RUNDC3B: variants seen among roughly 807,000 people sequenced by gnomAD.
RUNDC3B encodes the protein RUN domain-containing protein 3B.
Under a neutral mutation model 58.4 loss-of-function variants are expected in RUNDC3B, and 33 were observed. The ratio of observed to expected loss-of-function variants is 0.56; its 90% CI spans 0.43 to 0.75. RUNDC3B has a LOEUF of 0.75. RUNDC3B is among the 30% of genes least tolerant of loss of function. The pLI, the probability that RUNDC3B is intolerant of heterozygous loss-of-function variation, is 0.00. For missense variants in RUNDC3B, 501 were observed against 535.7 expected (o/e 0.94, Z 0.64); for synonymous variants, 193 against 195.2 (o/e 0.99, Z 0.10).
At chr7:87,676,152 A>G (rs1009718804) in intron 2 of RUNDC3B, among the ~76,000 whole-genome samples, 1 of 152,148 alleles carries the variant, frequency 6.6e-6, no homozygotes, top group African/African-American at 2.4e-5. Flanking sequence ...GGTTGAACCC[A>G]GGAGTTTGAG....
chr7:87,733,578 C>T (rs1225407198), intron 4 of RUNDC3B, among the ~76,000 whole-genome samples: 1 of 152,154 alleles, frequency 6.6e-6, no homozygotes, highest in African/African-American at 2.4e-5. Context: ...GGTCCCCAAC[C>T]TTTTTGGCAA....
chr7:87,822,781 C>T (rs528065008), intron 10 of RUNDC3B, among the ~76,000 whole-genome samples: 15 of 152,178 alleles, frequency 9.9e-5, no homozygotes, highest in Admixed American at 3.3e-4. Flanking sequence ...AGCAAACTAT[C>T]GCAAGGACAA....
intron 6 of RUNDC3B, among the ~76,000 whole-genome samples, chr7:87,745,183 G>T (rs974416316): frequency 1.4e-4 from 21 of 152,244 alleles, no homozygotes; most frequent in African/African-American, 5.1e-4. Flanking sequence ...GATCATGATA[G>T]ATTATCTTTT....
intron 2 of RUNDC3B, among the ~76,000 whole-genome samples, chr7:87,678,521 G>T (rs1826604640): frequency 6.6e-6 from 1 of 151,986 alleles, no homozygotes. Context: ...AAACATTAAA[G>T]TTATCCAAAA....
At position 87,793,429 on chromosome 7, in the gene RUNDC3B, G is replaced by A. The variant is rs138932230; in HGVS notation, c.957-13944G>A. On this transcript the variant is annotated intron_variant, in intron 8 of 10. Coordinates refer to ENST00000394654, the MANE Select transcript of RUNDC3B (RefSeq NM_001134405.2). ...AACATTGATGCAGAAATCCTCAAAAGTATACTAGCAAACCAAATTCAACAA... is the reference window on the plus strand; with the variant it reads ...AACATTGATGCAGAAATCCTCAAAAATATACTAGCAAACCAAATTCAACAA... Among the ~76,000 whole-genome samples the A allele has an allele frequency of 4.4e-3, 675 of 152,078 alleles. 5 individuals are homozygous for A. Among genetic ancestry groups the A allele is most frequent in the African/African-American group, 0.015 (643 of 41,520 alleles).
At chr7:87,643,228 A>G (rs531211459) in intron 1 of RUNDC3B, among the ~76,000 whole-genome samples, 24 of 151,876 alleles carry the variant, frequency 1.6e-4, no homozygotes, top group Admixed American at 4.6e-4. Context: ...CTTTATTTTT[A>G]AGTTGATTTT....
Position 87,832,051 on chromosome 7 carries a change from AAATTCATCTGCTGTTAT to A in RUNDC3B, c.*2024_*2040del, listed in dbSNP as rs1398386218. The A allele has an allele frequency of 1.3e-5, 2 of 151,886 alleles. No homozygotes were observed. Among genetic ancestry groups the A allele is most frequent in the Admixed American group, 1.3e-4 (2 of 15,202 alleles). The allele number at this position is 151,886 out of a possible 1,614,324, so 9.4% of individuals were successfully genotyped here. On this transcript the variant is annotated 3_prime_UTR_variant, in exon 11 of 11. Transcript: ENST00000394654. ...CTCCTTTCTTGGAGATCTTGGTATAAAATTCATCTGCTGTTATAAAATCAGGTTTCTACAGAGTTCGT... is the reference window on the plus strand; with the variant it reads ...CTCCTTTCTTGGAGATCTTGGTATAAAAAATCAGGTTTCTACAGAGTTCGT...
At chr7:87,760,271 A>G (rs1186079547) in intron 6 of RUNDC3B, among the ~76,000 whole-genome samples, 2 of 152,060 alleles carry the variant, frequency 1.3e-5, no homozygotes, top group African/African-American at 4.8e-5. Flanking sequence ...TTTCATTTAA[A>G]TTTAATTTTA....
chr7:87,768,436 T>A (rs1834091882), intron 6 of RUNDC3B, among the ~76,000 whole-genome samples: 1 of 152,190 alleles, frequency 6.6e-6, no homozygotes, highest in Admixed American at 6.5e-5. Context: ...GGTGATGCAG[T>A]GACACAAGGG....
At chr7:87,789,789 A>G (rs1835426973) in intron 8 of RUNDC3B, among the ~76,000 whole-genome samples, 1 of 152,200 alleles carries the variant, frequency 6.6e-6, no homozygotes, top group African/African-American at 2.4e-5. Context: ...TGATATTGAT[A>G]GTATTTCCTC....
chr7:87,817,966 G>A (rs960518224), intron 10 of RUNDC3B, among the ~76,000 whole-genome samples: 10 of 152,096 alleles, frequency 6.6e-5, no homozygotes, highest in East Asian at 1.9e-4. Flanking sequence ...ATATTGTGTC[G>A]AACTGAATTT....
At chr7:87,773,318 G>A (rs1227335562) in intron 7 of RUNDC3B, among the ~76,000 whole-genome samples, 5 of 117,950 alleles carry the variant, frequency 4.2e-5, no homozygotes, top group South Asian at 2.8e-4. Flanking sequence ...GCGAGACTCC[G>A]TCTCAAAAAA....
chr7:87,777,152 C>T (rs1243419653), intron 7 of RUNDC3B, among the ~76,000 whole-genome samples: 2 of 152,094 alleles, frequency 1.3e-5, no homozygotes, highest in Non-Finnish European at 2.9e-5. Flanking sequence ...ATATCTATTA[C>T]GTGTTTACTA....
At chr7:87,807,569 A>C in intron 9 of RUNDC3B, 50 bp downstream of exon 9, 2 of 1,303,260 alleles carry the variant, frequency 1.5e-6, no homozygotes, top group Non-Finnish European at 2.2e-6. Flanking sequence ...GTTGTACCAA[A>C]ACATATGGCT....
chr7:87,813,805 C>T (rs1836863209), intron 9 of RUNDC3B, among the ~76,000 whole-genome samples: 1 of 151,574 alleles, frequency 6.6e-6, no homozygotes, highest in Non-Finnish European at 1.5e-5. Context: ...CGGTGAAACC[C>T]CGTCTCTACT....
intron 6 of RUNDC3B, among the ~76,000 whole-genome samples, chr7:87,752,869 A>G (rs1187599864): frequency 2.0e-5 from 3 of 151,232 alleles, no homozygotes; most frequent in African/African-American, 4.9e-5. Context: ...TTGTGTCTCT[A>G]TTTCCTTCAG....
chr7:87,760,592 A>G (rs1276913593), intron 6 of RUNDC3B, among the ~76,000 whole-genome samples: 1 of 152,102 alleles, frequency 6.6e-6, no homozygotes, highest in African/African-American at 2.4e-5. Flanking sequence ...ACAAAGCTCC[A>G]GTAATCAAAA....
intron 7 of RUNDC3B, among the ~76,000 whole-genome samples, chr7:87,776,021 G>C (rs1027402652): frequency 6.6e-6 from 1 of 152,124 alleles, no homozygotes; most frequent in Non-Finnish European, 1.5e-5. Flanking sequence ...AGTTTTCAAT[G>C]AATTTAATGA....
intron 2 of RUNDC3B, among the ~76,000 whole-genome samples, chr7:87,698,372 G>A (rs1388677535): frequency 1.3e-5 from 2 of 152,260 alleles, no homozygotes; most frequent in Non-Finnish European, 1.5e-5. Context: ...GGGATTACAG[G>A]CGTGAGCCAC....
Sources: allele counts gnomAD v4.1 joint callset (sites outside exome capture counted in the v4.1 genomes callset), GRCh38; gene constraint gnomAD v4.1.1; transcripts MANE v1.5; gene names NCBI Gene and HGNC (gene_info 2026-07-23, HGNC 2026-07-21).